The following KRIT1 variants were observed in gnomAD, a reference collection of about 807,000 sequenced individuals.
The protein encoded by KRIT1 is krev interaction trapped protein 1.
A neutral mutation model predicts 95.8 loss-of-function variants in KRIT1; 45 were observed. That is an observed-to-expected ratio of 0.47 (90% CI 0.37 to 0.60). The LOEUF is 0.60. Ranked by LOEUF, KRIT1 falls within the 20% of genes least tolerant of loss-of-function variation. The pLI is 0.00. For missense variants in KRIT1, 788 were observed against 877.5 expected, an observed-to-expected ratio of 0.90 and a Z score of 1.29; for synonymous variants, 282 against 278.8, an observed-to-expected ratio of 1.01 and a Z score of -0.11.
chr7:92,219,555 T>C (rs943056134), intron 14 of KRIT1, among the ~76,000 whole-genome samples: 12 of 152,226 alleles, frequency 7.9e-5, no homozygotes, highest in African/African-American at 2.9e-4. Context: ...CTTTGTGGTG[T>C]GCTTTGAAAT....
At position 92,240,973 on chromosome 7, in the gene KRIT1, T is replaced by G; in HGVS notation, c.262+20A>C. ...ACAAGTATTTTAAACAATGTGTTTT[T>G]TAAAAAAGAAGTTTCCTACCTCTGA... On this transcript the variant is annotated intron_variant, in intron 5 of 18. Coordinates refer to ENST00000394505, the MANE Select transcript of KRIT1 (RefSeq NM_194454.3). 1 of 1,581,892 alleles carries G rather than the reference T, an allele frequency of 6.3e-7. No individual in the cohort carries two copies. The highest frequency in any genetic ancestry group is 8.7e-7 in the Non-Finnish European group (1 of 1,150,880).
rs1064820 is a variant in KRIT1, at chr7:92,244,939, G to A, written c.-188C>T. The A allele has an allele frequency of 6.6e-6, 1 of 152,208 alleles. No homozygotes were observed. Among genetic ancestry groups the A allele is most frequent in the South Asian group, 2.1e-4 (1 of 4,832 alleles). The allele number at this position is 152,208 out of a possible 1,614,324, so 9.4% of individuals were successfully genotyped here. On this transcript the variant is annotated 5_prime_UTR_variant, in exon 2 of 19. Coordinates refer to ENST00000394505, the MANE Select transcript of KRIT1 (RefSeq NM_194454.3). ...GAAAATATGGAGGGCATTTCTGGTT[G>A]TCACTATGACTGATGAGGGGAGATG...
Position 92,245,906 on chromosome 7 carries a change from C to T in KRIT1, c.-537G>A, listed in dbSNP as rs537277167. ...CCTTAGCTTTCCACCCCGCCGTTAC[C>T]GTGGCTATGAAATCGCTTCCGGGTT... On this transcript the variant is annotated 5_prime_UTR_variant, in exon 1 of 19. Coordinates refer to ENST00000394505, the MANE Select transcript of KRIT1 (RefSeq NM_194454.3). 4.3e-6 allele frequency: 1 copy of T among 233,636 alleles called. No individual in the cohort carries two copies. The highest frequency in any genetic ancestry group is 1.8e-4 in the East Asian group (1 of 5,444). 14.5% of individuals were successfully genotyped at this position (233,636 alleles called of 1,614,324 possible).
intron 14 of KRIT1, among the ~76,000 whole-genome samples, chr7:92,218,830 CT>C (rs1303497598): frequency 6.6e-6 from 1 of 152,032 alleles, no homozygotes. Context: ...GCACAAAAGT[CT>C]TTGATTTTGA....
chr7:92,224,913 A>G (rs1035720288), intron 12 of KRIT1, among the ~76,000 whole-genome samples: 2 of 151,652 alleles, frequency 1.3e-5, no homozygotes, highest in Non-Finnish European at 2.9e-5. Flanking sequence ...TAATCCCAGC[A>G]CTTTGGGAGG....
intron 17 of KRIT1, 109 bp from the exon 18 acceptor site, chr7:92,201,532 T>C: frequency 2.7e-6 from 2 of 730,224 alleles, no homozygotes; most frequent in Non-Finnish European, 5.0e-6. Context: ...TAGTTCAGAA[T>C]GCTTTTTCTA....
intron 7 of KRIT1, 71 bp from the exon 8 acceptor site, chr7:92,235,717 A>C (rs948577195): frequency 1.6e-4 from 223 of 1,356,820 alleles, no homozygotes; most frequent in Non-Finnish European, 2.2e-4. Flanking sequence ...TTACTATCTA[A>C]CTCTGATATA....
Position 92,225,798 on chromosome 7 carries a change from T to C in KRIT1, c.1176A>G (p.Pro392=), listed in dbSNP as rs538610091. Residue 392 remains proline (P), a synonymous_variant, in exon 12 of 19, where the codon CCA becomes CCG. Coordinates refer to ENST00000394505, the MANE Select transcript of KRIT1 (RefSeq NM_194454.3). The part of the protein sequence containing the change: ...RHITDQQGRS[P]LNICEENKQN... ...GTTTGTTTTCTTCACAAATATTTAA[T>C]GGAGATCTTCCTTGTTGGTCTGTTA... The C allele has an allele frequency of 1.1e-5, 17 of 1,609,380 alleles. No homozygotes were observed. The highest frequency in any genetic ancestry group is 1.3e-5 in the Non-Finnish European group (15 of 1,175,806).
At chr7:92,211,769 CT>C (rs1407051876) in intron 17 of KRIT1, among the ~76,000 whole-genome samples, 1 of 151,728 alleles carries the variant, frequency 6.6e-6, no homozygotes, top group Non-Finnish European at 1.5e-5. Context: ...TGACATGTAC[CT>C]CATAAATATG....
chr7:92,220,976 C>A (rs1354289248), intron 14 of KRIT1, among the ~76,000 whole-genome samples: 2 of 152,130 alleles, frequency 1.3e-5, no homozygotes, highest in Non-Finnish European at 2.9e-5. Flanking sequence ...GCATGAGCCA[C>A]TGTGCCTGGT....
chr7:92,240,948 A>G, intron 5 of KRIT1, 45 bp downstream of exon 5: 1 of 1,393,176 alleles, frequency 7.2e-7, no homozygotes, highest in South Asian at 1.2e-5. Context: ...ATCTTTCTCC[A>G]CAAGTATTTT....
At chr7:92,225,599 G>T (rs777926558) in intron 12 of KRIT1, 121 bp downstream of exon 12, 5 of 698,480 alleles carry the variant, frequency 7.2e-6, no homozygotes, top group African/African-American at 7.1e-5. Context: ...GGCCTACAAT[G>T]AGGTTTTATA....
At chr7:92,231,620 C>G (rs946729742) in intron 10 of KRIT1, among the ~76,000 whole-genome samples, 2 of 152,180 alleles carry the variant, frequency 1.3e-5, no homozygotes, top group Non-Finnish European at 2.9e-5. Flanking sequence ...AGTGTCCCCT[C>G]CTCGGTCTTT....
At position 92,242,095 on chromosome 7, in the gene KRIT1, A is replaced by G. The variant is rs1585030358; in HGVS notation, c.41T>C (p.Val14Ala). Residue 14 changes from valine to alanine, a missense_variant, in exon 4 of 19, where the codon GTT becomes GCT. Physicochemically the swap from Val to Ala is moderately conservative, Grantham distance 64. This residue lies in a region of KRIT1 where 289 missense variants were observed against 277.5 expected (regional missense o/e 1.04). Coordinates refer to ENST00000394505, the MANE Select transcript of KRIT1 (RefSeq NM_194454.3). ...PENIEDAYVA[V>A]IRPKNTASLN... ...ACTGGCAGTATTCTTTGGACGAATA[A>G]CAGCAACATATGCATCTTCTATGTT... is the stretch of plus-strand genomic sequence containing the variant. 14 of 1,605,234 alleles carry G rather than the reference A, an allele frequency of 8.7e-6. No individual in the cohort carries two copies. Among genetic ancestry groups the G allele is most frequent in the Non-Finnish European group, 1.2e-5 (14 of 1,172,136 alleles).
chr7:92,228,163 A>G (rs921866958), intron 10 of KRIT1, among the ~76,000 whole-genome samples: 1 of 152,190 alleles, frequency 6.6e-6, no homozygotes, highest in Admixed American at 6.5e-5. Context: ...CCTGAACTGA[A>G]TTTTTAAATA....
At chr7:92,223,763 T>C (rs538816483) in intron 12 of KRIT1, among the ~76,000 whole-genome samples, 2 of 152,288 alleles carry the variant, frequency 1.3e-5, no homozygotes, top group East Asian at 3.9e-4. Flanking sequence ...AGGTAAAAGT[T>C]ATCAATGAAC....
chr7:92,239,734 G>A (rs6952147), intron 5 of KRIT1, among the ~76,000 whole-genome samples: 4,852 of 141,614 alleles, frequency 0.034, 245 homozygotes, highest in African/African-American at 0.12. Context: ...TTTTTGAGAC[G>A]GAGTCTCACT....
chr7:92,237,569 ATAG>A (rs1563312482), intron 6 of KRIT1, 95 bp downstream of exon 6: 1 of 611,332 alleles, frequency 1.6e-6, no homozygotes, highest in Non-Finnish European at 2.9e-6. Context: ...TTATAATATT[ATAG>A]TAGTAACTAT....
chr7:92,203,373 C>T (rs1790650725), intron 17 of KRIT1, among the ~76,000 whole-genome samples: 1 of 152,122 alleles, frequency 6.6e-6, no homozygotes, highest in Non-Finnish European at 1.5e-5. Context: ...TTCAAAGGTG[C>T]CATAAATTTA....
Sources: gnomAD v4.1 joint callset for allele counts (sites outside exome capture counted in the v4.1 genomes callset) on GRCh38, gnomAD v4.1.1 for gene constraint, gnomAD v4.1.1 regional missense constraint, MANE v1.5 for transcripts, NCBI Gene and HGNC (gene_info 2026-07-23, HGNC 2026-07-21) for gene names.